DPYD: variants seen among roughly 807,000 people sequenced by gnomAD.
DPYD encodes dihydropyrimidine dehydrogenase, also known as dihydropyrimidine dehydrogenase [NADP(+)].
In DPYD, 109 loss-of-function variants were observed where a neutral mutation model predicts 116.2. That is an observed-to-expected ratio of 0.94 (90% CI 0.80 to 1.10). The LOEUF is 1.10. Among genes scored for constraint, DPYD ranks in the 50% least tolerant of loss-of-function variants. The pLI, the probability that DPYD is intolerant of heterozygous loss-of-function variation, is 0.00. For missense variants in DPYD, 1,302 were observed against 1,254.5 expected, an observed-to-expected ratio of 1.04 and a Z score of -0.57; for synonymous variants, 440 against 432.0, an observed-to-expected ratio of 1.02 and a Z score of -0.23.
rs141370079 is a variant in DPYD at position 97,573,845 on chromosome 1, T to G, written c.1254A>C (p.Lys418Asn). ...FVRTEQDETG[K>N]WNEDEDQMVH... ...CCATCTGATCTTCATCTTCATTCCATTTTCCAGTTTCATCTTGCTCTGTCC... is the reference window on the plus strand; with the variant it reads ...CCATCTGATCTTCATCTTCATTCCAGTTTCCAGTTTCATCTTGCTCTGTCC... Residue 418 changes from lysine to asparagine, a missense_variant, in exon 11 of 23, where the codon AAA (lysine) becomes AAC (asparagine). Transcript: ENST00000370192. 1 of 1,613,590 alleles carries G rather than the reference T, an allele frequency of 6.2e-7. No homozygotes were observed. The highest frequency in any genetic ancestry group is 1.3e-5 in the African/African-American group (1 of 74,872).
At chr1:97,871,498 C>T (rs1417559369) in intron 2 of DPYD, among the ~76,000 whole-genome samples, 1 of 151,566 alleles carries the variant, frequency 6.6e-6, no homozygotes, top group South Asian at 2.1e-4. Flanking sequence ...AGTGGAATTC[C>T]CCACGACAAT....
chr1:97,362,566 C>T (rs1381924631), intron 16 of DPYD, among the ~76,000 whole-genome samples: 2 of 152,146 alleles, frequency 1.3e-5, no homozygotes, highest in African/African-American at 2.4e-5. Flanking sequence ...TACAAGGCTA[C>T]AGTAACCAAG....
rs145141350 is a variant in DPYD at position 97,251,063 on chromosome 1, T to C, written c.2300-16069A>G. 2.2e-3 allele frequency among the ~76,000 whole-genome samples: 341 copies of C among 152,258 alleles called. 3 individuals carry two copies. The highest frequency in any genetic ancestry group is 7.7e-3 in the African/African-American group (318 of 41,550). ...TGGTCAGAATCTTTCAAATACTTAA[T>C]TTTATGAAATATGAGGACATCTTCC... On this transcript the variant is annotated intron_variant, in intron 18 of 22. Transcript: ENST00000370192.
At position 97,602,014 on chromosome 1, in the gene DPYD, TAACAAG is replaced by T. The variant is rs1297625052; in HGVS notation, c.851-6854_851-6849del. Among the ~76,000 whole-genome samples the T allele has an allele frequency of 3.3e-5, 5 of 152,092 alleles. No individual in the cohort carries two copies. In the South Asian group the frequency reaches 1.0e-3, roughly 32 times the overall value. ...GTGTATCACACAATTGGTTAGAGAATAACAAGAACATTTTTAAAAATGTTATGAATG... is the reference window on the plus strand; with the variant it reads ...GTGTATCACACAATTGGTTAGAGAATAACATTTTTAAAAATGTTATGAATG... On this transcript the variant is annotated intron_variant, in intron 8 of 22. Transcript: ENST00000370192.
At chr1:97,345,564 T>G (rs1049628215) in intron 16 of DPYD, among the ~76,000 whole-genome samples, 8 of 151,924 alleles carry the variant, frequency 5.3e-5, no homozygotes, top group African/African-American at 1.9e-4. Context: ...TATCCTAGAC[T>G]GGATAACGGT....
intron 13 of DPYD, among the ~76,000 whole-genome samples, chr1:97,480,269 A>G (rs1035172437): frequency 1.3e-5 from 2 of 152,198 alleles, no homozygotes; most frequent in African/African-American, 4.8e-5. Flanking sequence ...TGCCACATGG[A>G]GAGTGGCATA....
At chr1:97,432,415 T>G (rs893895058) in intron 14 of DPYD, among the ~76,000 whole-genome samples, 1 of 152,174 alleles carries the variant, frequency 6.6e-6, no homozygotes, top group South Asian at 2.1e-4. Flanking sequence ...TATTCTTCAC[T>G]TCTTTTATTT....
At chr1:97,390,889 C>A (rs537156789) in intron 14 of DPYD, among the ~76,000 whole-genome samples, 3 of 151,882 alleles carry the variant, frequency 2.0e-5, no homozygotes, top group African/African-American at 7.2e-5. Context: ...TGCTTAGGAA[C>A]TGATCTCCCC....
chr1:97,155,941 C>A (rs962775768), intron 20 of DPYD, among the ~76,000 whole-genome samples: 2 of 152,060 alleles, frequency 1.3e-5, no homozygotes, highest in Non-Finnish European at 2.9e-5. Context: ...TTTTAAAATG[C>A]AGATTGTGAT....
chr1:97,478,868 T>C (rs1678144172), intron 13 of DPYD, among the ~76,000 whole-genome samples: 1 of 152,222 alleles, frequency 6.6e-6, no homozygotes, highest in Non-Finnish European at 1.5e-5. Flanking sequence ...ACATCAGCAC[T>C]TGCTGCTTCG....
At chr1:97,233,536 G>C (rs1306383785) in intron 19 of DPYD, among the ~76,000 whole-genome samples, 1 of 152,072 alleles carries the variant, frequency 6.6e-6, no homozygotes, top group African/African-American at 2.4e-5. Flanking sequence ...TGTAGGGATG[G>C]AATATTTATC....
intron 3 of DPYD, among the ~76,000 whole-genome samples, chr1:97,811,159 T>C (rs896605203): frequency 1.3e-5 from 2 of 152,184 alleles, no homozygotes; most frequent in African/African-American, 4.8e-5. Flanking sequence ...GACTCCCCTG[T>C]CAAATCTTCC....
chr1:97,679,826 G>A (rs1407835285), intron 7 of DPYD, among the ~76,000 whole-genome samples: 2 of 152,052 alleles, frequency 1.3e-5, no homozygotes, highest in Non-Finnish European at 2.9e-5. Context: ...TGCTGACCAG[G>A]GAGGTGTCAG....
chr1:97,527,757 C>T (rs2102012073), intron 12 of DPYD, among the ~76,000 whole-genome samples: 1 of 133,088 alleles, frequency 7.5e-6, no homozygotes, highest in African/African-American at 2.8e-5. Context: ...ATCCCAGTGG[C>T]ATTTTCTCCT....
intron 19 of DPYD, among the ~76,000 whole-genome samples, chr1:97,207,775 C>T (rs79816507): frequency 0.04 from 6,046 of 152,154 alleles, 152 homozygotes; most frequent in South Asian, 0.076. Flanking sequence ...TGTGTCTAGA[C>T]TCTCTTATCT....
Position 97,353,432 on chromosome 1 carries a change from C to T in DPYD, c.2058+20129G>A, listed in dbSNP as rs143039745. On this transcript the variant is annotated intron_variant, in intron 16 of 22. Transcript: ENST00000370192. Reference sequence around the variant, plus strand: ...GGGTGTATTAACTCTCAAGACACCTCGGTGGGGTTTTTTCCCCCTTTTAAA... The same window carrying T: ...GGGTGTATTAACTCTCAAGACACCTTGGTGGGGTTTTTTCCCCCTTTTAAA... Among the ~76,000 whole-genome samples the T allele has an allele frequency of 5.5e-3, 830 of 152,140 alleles. 10 individuals are homozygous for T. The highest frequency in any genetic ancestry group is 0.019 in the African/African-American group (776 of 41,496).
At chr1:97,797,251 T>C (rs1667618568) in intron 3 of DPYD, 1 of 152,152 alleles carries the variant, frequency 6.6e-6, no homozygotes, top group Non-Finnish European at 1.5e-5. Flanking sequence ...ATACATATGC[T>C]TCAATGAAAA....
At chr1:97,271,947 TG>T (rs1214997720) in intron 18 of DPYD, among the ~76,000 whole-genome samples, 1 of 152,214 alleles carries the variant, frequency 6.6e-6, no homozygotes, top group Non-Finnish European at 1.5e-5. Flanking sequence ...AAGAGCAAAC[TG>T]ATACCGTAAG....
At chr1:97,237,183 G>T (rs1245948136) in intron 18 of DPYD, among the ~76,000 whole-genome samples, 2 of 141,176 alleles carry the variant, frequency 1.4e-5, no homozygotes, top group African/African-American at 5.3e-5. Flanking sequence ...GGAGGCTGCA[G>T]TGAGCCGAGA....
Sources: allele counts gnomAD v4.1 joint callset (sites outside exome capture counted in the v4.1 genomes callset), GRCh38; gene constraint gnomAD v4.1.1; transcripts MANE v1.5; gene names NCBI Gene and HGNC (gene_info 2026-07-23, HGNC 2026-07-21).